Variants in MRFAP1L2 observed in about 807,000 individuals in gnomAD.
The protein encoded by MRFAP1L2 is MORF4 family-associated protein 1-like protein UPP.
chr4:6,674,810 T>A, the MRFAP1L2 span: 1 of 456,422 alleles, frequency 2.2e-6, no homozygotes, highest in Non-Finnish European at 3.9e-6. Context: ...GGGAGAGAGG[T>A]GTGAAGCGGA....
At chr4:6,675,231 T>A in the MRFAP1L2 span, 1 of 152,286 alleles carries the variant, frequency 6.6e-6, no homozygotes, top group African/African-American at 2.4e-5. Flanking sequence ...ATGTCCCACG[T>A]AAAGGAATAT....
the MRFAP1L2 span, chr4:6,674,662 C>T: frequency 1.9e-6 from 1 of 532,694 alleles, no homozygotes; most frequent in East Asian, 3.5e-5. Flanking sequence ...GAGCGCAGAG[C>T]CGTGCCACGC....
the MRFAP1L2 span, chr4:6,674,126 C>T: frequency 1.3e-5 from 5 of 383,986 alleles, no homozygotes; most frequent in African/African-American, 6.2e-5. Flanking sequence ...TGTTGCTAGT[C>T]TGGTCGTTGG....
chr4:6,674,448 C>G, the MRFAP1L2 span: 1 of 657,402 alleles, frequency 1.5e-6, no homozygotes, highest in Non-Finnish European at 2.7e-6. Context: ...CGCCCGCGTG[C>G]GGAGGCTGAG....
chr4:6,674,871 A>G, the MRFAP1L2 span: 7 of 337,010 alleles, frequency 2.1e-5, no homozygotes, highest in African/African-American at 6.5e-5. Flanking sequence ...AGCGTTTGCG[A>G]TGACCTTCCT....
the MRFAP1L2 span, chr4:6,675,852 T>C: frequency 6.6e-6 from 1 of 152,182 alleles, no homozygotes; most frequent in East Asian, 1.9e-4. Context: ...CATTCCAGGC[T>C]TAGATGATGA....
chr4:6,674,598 G>C, the MRFAP1L2 span: 3 of 605,372 alleles, frequency 5.0e-6, no homozygotes, highest in Non-Finnish European at 8.7e-6. Context: ...CGGGTCTGGA[G>C]CGGAGCGCGG....
At chr4:6,674,828 G>A in the MRFAP1L2 span, 1 of 429,476 alleles carries the variant, frequency 2.3e-6, no homozygotes, top group Non-Finnish European at 4.1e-6. Flanking sequence ...GGAGGTACAT[G>A]CTGGAAACGT....
chr4:6,674,613 G>T, the MRFAP1L2 span: 3 of 590,102 alleles, frequency 5.1e-6, no homozygotes, highest in Non-Finnish European at 8.9e-6. Flanking sequence ...GCGCGGCGGG[G>T]AGTGTCCCGC....
the MRFAP1L2 span, chr4:6,674,697 T>G: frequency 1.9e-6 from 1 of 525,664 alleles, no homozygotes; most frequent in Non-Finnish European, 3.3e-6. Flanking sequence ...GTTTCATTCT[T>G]TTTTCATAGG....
the MRFAP1L2 span, chr4:6,674,240 C>T: frequency 2.4e-6 from 1 of 413,522 alleles, no homozygotes; most frequent in South Asian, 7.0e-5. Context: ...GGACGAGGCG[C>T]GGGAGCCCCG....
the MRFAP1L2 span, chr4:6,675,353 G>A: frequency 2.6e-5 from 4 of 152,150 alleles, no homozygotes; most frequent in Non-Finnish European, 5.9e-5. Context: ...TATGCTTCCT[G>A]GAATTTGGGG....
the MRFAP1L2 span, chr4:6,674,709 A>G: frequency 1.9e-6 from 1 of 522,974 alleles, no homozygotes; most frequent in East Asian, 3.5e-5. Context: ...TTTCATAGGT[A>G]ATTAGAGAAA....
At chr4:6,674,438 C>T in the MRFAP1L2 span, 1 of 656,790 alleles carries the variant, frequency 1.5e-6, no homozygotes, top group East Asian at 3.2e-5. Flanking sequence ...CCCAGCACCC[C>T]GCCCGCGTGC....
At chr4:6,674,773 CGTAGACCTG>C in the MRFAP1L2 span, 1 of 494,828 alleles carries the variant, frequency 2.0e-6, no homozygotes, top group Non-Finnish European at 3.6e-6. Context: ...ATTTTCAGGA[CGTAGACCTG>C]GTGGGTCACT....
At chr4:6,674,086 C>T in the MRFAP1L2 span, 1 of 387,756 alleles carries the variant, frequency 2.6e-6, no homozygotes, top group Non-Finnish European at 4.6e-6. Flanking sequence ...ATTTTGGATA[C>T]CGTCCTCGCT....
At chr4:6,674,686 G>A in the MRFAP1L2 span, 1 of 524,768 alleles carries the variant, frequency 1.9e-6, no homozygotes, top group African/African-American at 2.0e-5. Context: ...CCGCGGAGTT[G>A]GTTTCATTCT....
chr4:6,674,461 G>A, the MRFAP1L2 span: 1 of 661,206 alleles, frequency 1.5e-6, no homozygotes, highest in South Asian at 1.6e-5. Flanking sequence ...AGGCTGAGGA[G>A]CGGGTGGCTC....
chr4:6,674,386 C>T, the MRFAP1L2 span: 3 of 651,246 alleles, frequency 4.6e-6, no homozygotes, highest in Non-Finnish European at 8.2e-6. Context: ...TGCTCGACGC[C>T]ATCAAGAGTG....
Sources: gnomAD v4.1 joint callset for allele counts on GRCh38, gnomAD v4.1.1 for gene constraint, MANE v1.5 for transcripts, NCBI Gene and HGNC (gene_info 2026-07-23, HGNC 2026-07-21) for gene names.